Variants in CRLS1 observed in about 807,000 individuals in gnomAD.
CRLS1 encodes cardiolipin synthase 1, also known as cardiolipin synthase (CMP-forming).
In CRLS1, 24 loss-of-function variants were observed where a neutral mutation model predicts 37.0. The observed-to-expected ratio is 0.65, with a 90% CI of 0.47 to 0.91. CRLS1 has a LOEUF of 0.91. Ranked by LOEUF, CRLS1 falls within the 40% of genes least tolerant of loss-of-function variation. The pLI is 0.00. For missense variants in CRLS1, 373 were observed against 395.8 expected, an observed-to-expected ratio of 0.94 and a Z score of 0.49; for synonymous variants, 135 against 159.7, an observed-to-expected ratio of 0.85 and a Z score of 1.17.
chr20:6,031,995 T>A lies in CRLS1; in HGVS notation c.661-17T>A. 6.3e-7 allele frequency: 1 copy of A among 1,599,260 alleles called. No homozygotes were observed. Among genetic ancestry groups the A allele is most frequent in the Non-Finnish European group, 8.6e-7 (1 of 1,167,834 alleles). On this transcript the variant is annotated splice_polypyrimidine_tract_variant and intron_variant, in intron 4 of 6. Coordinates refer to ENST00000378863, the MANE Select transcript of CRLS1 (RefSeq NM_019095.6). Reference sequence around the variant, plus strand: ...AACAATAAGTTAATTACTTTATCTTTTTTGGTCCTCTGCCAGCGAACACTT... The same window carrying A: ...AACAATAAGTTAATTACTTTATCTTATTTGGTCCTCTGCCAGCGAACACTT...
chr20:6,033,324 C>CG (rs35747331), intron 5 of CRLS1, among the ~76,000 whole-genome samples: 20,330 of 151,690 alleles, frequency 0.13, 1,709 homozygotes, highest in Non-Finnish European at 0.16. Context: ...TTAGTAGAGA[C>CG]GGGGTTTCAC....
intron 2 of CRLS1, among the ~76,000 whole-genome samples, chr20:6,011,023 A>G (rs1420259127): frequency 2.6e-5 from 4 of 152,124 alleles, no homozygotes; most frequent in Non-Finnish European, 4.4e-5. Context: ...TCTCTTAAAA[A>G]AAAAAAAAGG....
chr20:6,015,488 C>T lies in CRLS1; in HGVS notation c.572C>T (p.Pro191Leu). 1 of 1,613,100 alleles carries T rather than the reference C, an allele frequency of 6.2e-7. No homozygotes were observed. Among genetic ancestry groups the T allele is most frequent in the Non-Finnish European group, 8.5e-7 (1 of 1,179,268 alleles). Residue 191 changes from proline (P) to leucine (L), a missense_variant and splice_region_variant, in exon 3 of 7, where the codon CCA (proline) becomes CTA (leucine). Coordinates refer to ENST00000378863, the MANE Select transcript of CRLS1 (RefSeq NM_019095.6). Reference protein sequence around the residue: ...YVSLTYADLIPVPLTYMIISR... With the variant: ...YVSLTYADLILVPLTYMIISR... ...AGCTTGACCTATGCAGATCTTATTC[C>T]AGGTAAGAACGCGTCATGCGTACTT...
At chr20:6,014,919 T>C (rs1032781135) in intron 2 of CRLS1, among the ~76,000 whole-genome samples, 1 of 152,184 alleles carries the variant, frequency 6.6e-6, no homozygotes, top group Non-Finnish European at 1.5e-5. Context: ...AACAGTGGTA[T>C]TGAGCAAAAT....
chr20:6,028,433 G>A (rs1283369028), intron 3 of CRLS1: 2 of 151,502 alleles, frequency 1.3e-5, no homozygotes, highest in Admixed American at 6.6e-5. Context: ...TATTTATTTT[G>A]TATTATTATA....
intron 2 of CRLS1, among the ~76,000 whole-genome samples, 195 bp downstream of exon 2, chr20:6,010,107 A>G (rs2090114290): frequency 6.6e-6 from 1 of 150,896 alleles, no homozygotes; most frequent in Non-Finnish European, 1.5e-5. Context: ...TATGATTTCA[A>G]GGAGGAAGCG....
At chr20:6,036,849 C>G (rs1445395212) in intron 6 of CRLS1, among the ~76,000 whole-genome samples, 3 of 152,128 alleles carry the variant, frequency 2.0e-5, no homozygotes, top group African/African-American at 7.2e-5. Flanking sequence ...TTGTAGGGCT[C>G]ATTATCTAGA....
chr20:6,013,948 G>C (rs549309635), intron 2 of CRLS1, among the ~76,000 whole-genome samples: 12 of 152,250 alleles, frequency 7.9e-5, no homozygotes, highest in Admixed American at 5.9e-4. Flanking sequence ...AGATGAGAGG[G>C]TGATGATGGC....
At chr20:6,008,752 C>T (rs905658261) in intron 1 of CRLS1, among the ~76,000 whole-genome samples, 12 of 152,186 alleles carry the variant, frequency 7.9e-5, no homozygotes, top group African/African-American at 2.7e-4. Context: ...AACCTCCATA[C>T]ACTCTATATA....
chr20:6,026,497 T>C (rs1979722107), intron 3 of CRLS1, among the ~76,000 whole-genome samples: 1 of 152,224 alleles, frequency 6.6e-6, no homozygotes, highest in African/African-American at 2.4e-5. Flanking sequence ...GCCTTCAATG[T>C]CTCTGAGGCA....
At chr20:6,007,153 A>G (rs1372984235) in intron 1 of CRLS1, 6 of 1,098,336 alleles carry the variant, frequency 5.5e-6, no homozygotes, top group Non-Finnish European at 6.1e-6. Flanking sequence ...ACACCCGAGC[A>G]TGAGTGTGGG....
intron 3 of CRLS1, among the ~76,000 whole-genome samples, chr20:6,017,290 A>G (rs1310864245): frequency 3.3e-5 from 5 of 152,226 alleles, no homozygotes; most frequent in Non-Finnish European, 5.9e-5. Context: ...TTGCTACGGA[A>G]CAGTCTCTTA....
chr20:6,034,599 G>T, intron 6 of CRLS1, 44 bp downstream of exon 6: 1 of 1,350,292 alleles, frequency 7.4e-7, no homozygotes, highest in South Asian at 1.2e-5. Flanking sequence ...TCAACAGAAT[G>T]ACTTATGGTG....
In CRLS1 at chr20:6,037,181, GTAA is replaced by G; in HGVS notation, c.*24_*26del. Reference sequence around the variant, plus strand: ...TGATGAAAGTCATCCCTCACTGTTAGTAAGGAAGCAGTATACATCAATGGGAAC... The same window carrying G: ...TGATGAAAGTCATCCCTCACTGTTAGGGAAGCAGTATACATCAATGGGAAC... On this transcript the variant is annotated 3_prime_UTR_variant, in exon 7 of 7. Coordinates refer to ENST00000378863, the MANE Select transcript of CRLS1 (RefSeq NM_019095.6). 6.4e-7 allele frequency: 1 copy of G among 1,567,728 alleles called. No individual in the cohort carries two copies. Among genetic ancestry groups the G allele is most frequent in the Non-Finnish European group, 8.8e-7 (1 of 1,138,606 alleles).
intron 3 of CRLS1, among the ~76,000 whole-genome samples, chr20:6,023,210 G>GGT (rs989733494): frequency 1.4e-4 from 21 of 151,840 alleles, no homozygotes; most frequent in African/African-American, 5.1e-4. Context: ...TACATCTTTT[G>GGT]GTAGTCTCTT....
chr20:6,022,335 CTT>C (rs34621758), intron 3 of CRLS1, among the ~76,000 whole-genome samples: 110 of 94,634 alleles, frequency 1.2e-3, no homozygotes, highest in Admixed American at 1.4e-3. Context: ...TAATCCATTG[CTT>C]TTTTTTTTTT....
intron 2 of CRLS1, among the ~76,000 whole-genome samples, chr20:6,010,465 C>T (rs1444991962): frequency 6.6e-6 from 1 of 152,194 alleles, no homozygotes; most frequent in Non-Finnish European, 1.5e-5. Flanking sequence ...CTCTACACCC[C>T]TCTGACTGCC....
intron 3 of CRLS1, among the ~76,000 whole-genome samples, chr20:6,021,821 A>G (rs1979309316): frequency 6.6e-6 from 1 of 152,246 alleles, no homozygotes; most frequent in Admixed American, 6.5e-5. Flanking sequence ...TCACTCTACT[A>G]GTTTGAAAGT....
chr20:6,007,518 G>A (rs915825076), intron 1 of CRLS1: 3 of 1,159,844 alleles, frequency 2.6e-6, no homozygotes, highest in African/African-American at 1.5e-5. Flanking sequence ...AATATTCTAT[G>A]TGGAGCTAAA....
Sources: allele counts gnomAD v4.1 joint callset (sites outside exome capture counted in the v4.1 genomes callset), GRCh38; gene constraint gnomAD v4.1.1; transcripts MANE v1.5; gene names NCBI Gene and HGNC (gene_info 2026-07-23, HGNC 2026-07-21).